Variants in WWOX observed in about 807,000 individuals in gnomAD.
WWOX encodes WW domain containing oxidoreductase.
Under a neutral mutation model 46.2 loss-of-function variants are expected in WWOX, and 69 were observed. That is an observed-to-expected ratio of 1.49 (90% CI 1.23 to 1.82). WWOX has a LOEUF of 1.82. Ranked by LOEUF, WWOX falls within the 40% of genes most tolerant of loss-of-function variation. WWOX has a pLI of 0.00. For synonymous variants in WWOX, 359 were observed against 202.6 expected, an observed-to-expected ratio of 1.77 and a Z score of -6.56; for missense variants, 919 against 542.6, an observed-to-expected ratio of 1.69 and a Z score of -6.89.
intron 8 of WWOX, among the ~76,000 whole-genome samples, chr16:78,588,883 T>A (rs1309049106): frequency 6.6e-6 from 1 of 152,142 alleles, no homozygotes; most frequent in Non-Finnish European, 1.5e-5. Flanking sequence ...ATAGTGTTGA[T>A]AGAAGAAGAG....
chr16:79,067,423 C>T (rs1358513438), intron 8 of WWOX, among the ~76,000 whole-genome samples: 1 of 152,118 alleles, frequency 6.6e-6, no homozygotes, highest in African/African-American at 2.4e-5. Flanking sequence ...TTCTTAAAAA[C>T]TTTATGAAAA....
At chr16:78,614,996 T>C (rs1597350636) in intron 8 of WWOX, among the ~76,000 whole-genome samples, 1 of 152,222 alleles carries the variant, frequency 6.6e-6, no homozygotes, top group Non-Finnish European at 1.5e-5. Flanking sequence ...GGCTGTGTTA[T>C]ATACAGCTCC....
At chr16:78,242,805 C>T (rs569420789) in intron 5 of WWOX, among the ~76,000 whole-genome samples, 2 of 152,174 alleles carry the variant, frequency 1.3e-5, no homozygotes, top group South Asian at 2.1e-4. Flanking sequence ...GTCAGGAGTT[C>T]GAGACCAGCC....
At chr16:79,189,375 A>G (rs1033913189) in intron 8 of WWOX, among the ~76,000 whole-genome samples, 1 of 149,258 alleles carries the variant, frequency 6.7e-6, no homozygotes, top group African/African-American at 2.5e-5. Context: ...CTCCTGTCTC[A>G]GCCTCCCGAG....
chr16:78,342,955 G>A (rs530992384), intron 5 of WWOX, among the ~76,000 whole-genome samples: 1 of 120,686 alleles, frequency 8.3e-6, no homozygotes, highest in East Asian at 1.9e-4. Flanking sequence ...CTTGGGATAG[G>A]CCCTTGCAGA....
chr16:78,412,464 T>C (rs2082703919), intron 6 of WWOX, among the ~76,000 whole-genome samples: 1 of 152,086 alleles, frequency 6.6e-6, no homozygotes, highest in African/African-American at 2.4e-5. Flanking sequence ...TTCGGAGTCA[T>C]GGATTTGGAA....
At chr16:78,537,994 T>G (rs1238812714) in intron 8 of WWOX, among the ~76,000 whole-genome samples, 3 of 152,008 alleles carry the variant, frequency 2.0e-5, no homozygotes, top group Admixed American at 2.0e-4. Context: ...TTTCCCCGAT[T>G]CTTGAAAACG....
chr16:78,771,439 C>G lies in WWOX; in HGVS notation c.1056+338687C>G, dbSNP rs565798876. 5.3e-5 allele frequency among the ~76,000 whole-genome samples: 8 copies of G among 152,288 alleles called. No individual in the cohort carries two copies. The South Asian group carries it at 1.5e-3, about 28-fold the overall frequency. ...GATAGAAGTGATGGTTGTTCAACAT[C>G]ATGAGTGTAATTAATGCCACGGAAT... On this transcript the variant is annotated intron_variant, in intron 8 of 8. Coordinates refer to ENST00000566780, the MANE Select transcript of WWOX (RefSeq NM_016373.4).
intron 8 of WWOX, among the ~76,000 whole-genome samples, chr16:78,518,407 G>C (rs946440757): frequency 1.3e-5 from 2 of 151,984 alleles, no homozygotes; most frequent in Non-Finnish European, 2.9e-5. Flanking sequence ...TTATATTAGA[G>C]ATGGGATTTC....
chr16:78,813,658 C>T (rs941464504), intron 8 of WWOX, among the ~76,000 whole-genome samples: 1 of 152,070 alleles, frequency 6.6e-6, no homozygotes, highest in Non-Finnish European at 1.5e-5. Flanking sequence ...TCAACAGCAA[C>T]AAAAGGCCTC....
chr16:78,501,093 G>T (rs891017032), intron 8 of WWOX, among the ~76,000 whole-genome samples: 6 of 152,026 alleles, frequency 3.9e-5, no homozygotes, highest in African/African-American at 1.5e-4. Context: ...CAGCTGAATG[G>T]CAGGGATTCC....
intron 8 of WWOX, among the ~76,000 whole-genome samples, chr16:78,662,188 A>T (rs563410330): frequency 2.6e-5 from 4 of 152,240 alleles, no homozygotes; most frequent in Admixed American, 2.6e-4. Context: ...TCTGAGGATG[A>T]ATTGCCTAGT....
At chr16:78,543,477 A>G (rs918651374) in intron 8 of WWOX, among the ~76,000 whole-genome samples, 1 of 152,224 alleles carries the variant, frequency 6.6e-6, no homozygotes, top group East Asian at 1.9e-4. Flanking sequence ...GCAAAAGGGC[A>G]TTGCTTGGTC....
intron 8 of WWOX, among the ~76,000 whole-genome samples, chr16:78,778,862 A>C (rs533245683): frequency 6.6e-6 from 1 of 152,124 alleles, no homozygotes; most frequent in African/African-American, 2.4e-5. Context: ...TAGAAGAAAC[A>C]CCCACATTGA....
chr16:78,985,896 G>A lies in WWOX; in HGVS notation c.1057-225712G>A, dbSNP rs116632539. Among the ~76,000 whole-genome samples, 837 of 152,332 alleles carry A rather than the reference G, an allele frequency of 5.5e-3. 13 individuals carry two copies. The highest frequency in any genetic ancestry group is 0.019 in the African/African-American group (788 of 41,570). On this transcript the variant is annotated intron_variant, in intron 8 of 8. Transcript: ENST00000566780. Reference sequence around the variant, plus strand: ...CCAAATGGCTGCCTTCTGCAGTCCCGTCAGCCAGGATCCCTCTCATACAAA... The same window carrying A: ...CCAAATGGCTGCCTTCTGCAGTCCCATCAGCCAGGATCCCTCTCATACAAA...
At chr16:78,455,415 C>T (rs979041662) in intron 8 of WWOX, among the ~76,000 whole-genome samples, 4 of 151,746 alleles carry the variant, frequency 2.6e-5, no homozygotes, top group South Asian at 4.2e-4. Context: ...CCAAGGTGGA[C>T]GGATCACCAG....
intron 8 of WWOX, among the ~76,000 whole-genome samples, chr16:78,456,527 G>A (rs1567584146): frequency 6.6e-6 from 1 of 151,942 alleles, no homozygotes; most frequent in East Asian, 1.9e-4. Context: ...CTTGTCCCAG[G>A]GATACCTGAT....
At chr16:79,187,783 G>A (rs1003476113) in intron 8 of WWOX, among the ~76,000 whole-genome samples, 1 of 152,080 alleles carries the variant, frequency 6.6e-6, no homozygotes, top group Non-Finnish European at 1.5e-5. Context: ...CTCAAGCAAT[G>A]CACTGGCCTT....
At chr16:79,145,628 CAAAA>C (rs1005610649) in intron 8 of WWOX, among the ~76,000 whole-genome samples, 21 of 151,960 alleles carry the variant, frequency 1.4e-4, no homozygotes, top group African/African-American at 4.6e-4. Context: ...TACAGTAAGA[CAAAA>C]AAAGTCTTAA....
Sources: gnomAD v4.1 joint callset for allele counts (sites outside exome capture counted in the v4.1 genomes callset) on GRCh38, gnomAD v4.1.1 for gene constraint, MANE v1.5 for transcripts, NCBI Gene and HGNC (gene_info 2026-07-23, HGNC 2026-07-21) for gene names.